Variants in SLC9A5 observed in about 807,000 individuals in gnomAD.
SLC9A5 encodes solute carrier family 9 member A5.
In SLC9A5, 52 loss-of-function variants were observed where a neutral mutation model predicts 91.7. The observed-to-expected ratio is 0.57, with a 90% CI of 0.45 to 0.71. SLC9A5 has a LOEUF of 0.71. SLC9A5 is among the 30% of genes least tolerant of loss of function. SLC9A5 has a pLI of 0.00. For synonymous variants in SLC9A5, 419 were observed against 474.5 expected (o/e 0.88, Z 1.52); for missense variants, 871 against 1,158.9 (o/e 0.75, Z 3.61).
chr16:67,256,904 G>A lies in SLC9A5; in HGVS notation c.1133-7G>A, dbSNP rs369789097. The stretch of plus-strand genomic sequence containing the variant: ...CTTTGCTCCCACTGGCCTCCCTCCC[G>A]CTGTAGGCGTAGTCCTGCAGACCTG... On this transcript the variant is annotated splice_region_variant and splice_polypyrimidine_tract_variant and intron_variant, in intron 6 of 15. Coordinates refer to ENST00000299798, the MANE Select transcript of SLC9A5 (RefSeq NM_004594.3). This position sits in a 1 kb window ranked among gnomAD's most constrained non-coding sequence, Gnocchi z 4.1. The A allele has an allele frequency of 3.2e-4, 511 of 1,612,908 alleles. 1 individual carries two copies. Among genetic ancestry groups the A allele is most frequent in the Non-Finnish European group, 3.9e-4 (465 of 1,179,782 alleles).
intron 15 of SLC9A5, among the ~76,000 whole-genome samples, chr16:67,268,708 A>ATT (rs2035823135): frequency 4.3e-5 from 4 of 92,738 alleles, no homozygotes; most frequent in Non-Finnish European, 6.3e-5. Flanking sequence ...ATATATATAT[A>ATT]TATTTTTACA....
intron 1 of SLC9A5, among the ~76,000 whole-genome samples, chr16:67,249,830 GT>G (rs765634653): frequency 6.6e-6 from 1 of 152,170 alleles, no homozygotes; most frequent in Non-Finnish European, 1.5e-5. Flanking sequence ...GGGCCTTCCT[GT>G]GTGCTGTCTA....
In SLC9A5 at chr16:67,255,760, G is replaced by A. The variant is rs2035292634; in HGVS notation, c.741G>A (p.Leu247=). 1.3e-6 allele frequency: 2 copies of A among 1,573,388 alleles called. No individual in the cohort carries two copies. The highest frequency in any genetic ancestry group is 1.8e-5 in the Admixed American group (1 of 54,604). The change falls in exon 5 of 16, where the codon CTG becomes CTA. Residue 247 remains leucine, a synonymous_variant. Transcript: ENST00000299798. The surrounding 1 kb of genome is among the most constrained non-coding windows in gnomAD (Gnocchi z 4.9). ...ATDYLKGVAS[L]FVVSLGGAAV... ...AACCCACTCCTCCCCCAGCCTCCCT[G>A]TTTGTGGTCAGTCTGGGCGGGGCAG...
intron 10 of SLC9A5, among the ~76,000 whole-genome samples, chr16:67,259,173 C>T (rs1251418889): frequency 1.3e-5 from 2 of 151,382 alleles, no homozygotes; most frequent in Non-Finnish European, 2.9e-5. Context: ...GCAGGAGAAT[C>T]GCTTGAACCC....
rs199538038 is a variant in SLC9A5 at position 67,256,646 on chromosome 16, G to A, written c.1089G>A (p.Leu363=). 25 of 1,613,778 alleles carry A rather than the reference G, an allele frequency of 1.5e-5. No individual in the cohort carries two copies. The highest frequency in any genetic ancestry group is 1.9e-5 in the Non-Finnish European group (23 of 1,180,022). Reference sequence around the variant, plus strand: ...CTAAGTGGGCCTGGGATTCTGGGCTGGTGCTGGGCACCCTCATCTTCATCC... The same window carrying A: ...CTAAGTGGGCCTGGGATTCTGGGCTAGTGCTGGGCACCCTCATCTTCATCC... ...DSSKWAWDSG[L]VLGTLIFILF... is the part of the protein sequence containing the mutation. Residue 363 remains leucine, a synonymous_variant, in exon 6 of 16, where the codon CTG becomes CTA. Transcript: ENST00000299798. This position sits in a 1 kb window ranked among gnomAD's most constrained non-coding sequence, Gnocchi z 4.1.
rs759746267 is a variant in SLC9A5, at chr16:67,264,509, C to T, written c.2000C>T (p.Thr667Ile). 9.3e-6 allele frequency: 15 copies of T among 1,614,218 alleles called. No homozygotes were observed. Among genetic ancestry groups the T allele is most frequent in the Middle Eastern group, 3.3e-4 (2 of 6,062 alleles). Residue 667 changes from threonine to isoleucine, a missense_variant, in exon 13 of 16, where the codon ACT becomes ATT. Transcript: ENST00000299798. ...FTKSKPRPRK[T>I]GRRKKDGVAN... ...AAGAGCAAGCCACGACCCCGCAAGA[C>T]TGGCCGCAGGAAGGCATGTCTTCCC...
At chr16:67,259,787 C>T (rs1422067069) in intron 11 of SLC9A5, 33 bp from the exon 12 acceptor site, 4 of 1,610,714 alleles carry the variant, frequency 2.5e-6, no homozygotes, top group East Asian at 2.2e-5. Context: ...CTCCTGCCCC[C>T]TCTCCAGCAC....
chr16:67,266,027 T>G (rs990440441), intron 14 of SLC9A5, 61 bp from the exon 15 acceptor site: 11 of 1,599,930 alleles, frequency 6.9e-6, no homozygotes, highest in Non-Finnish European at 9.4e-6. Context: ...CTTGGGGCTG[T>G]GTAGTCCCAA....
intron 15 of SLC9A5, 139 bp downstream of exon 15, chr16:67,266,364 T>C (rs1044070986): frequency 1.2e-6 from 1 of 829,210 alleles, no homozygotes; most frequent in Admixed American, 2.9e-5. Flanking sequence ...AGCCTCTTCT[T>C]CATACCAGAT....
Position 67,270,636 on chromosome 16 carries a change from T to G in SLC9A5, c.2219-102T>G, listed in dbSNP as rs988412834. Reference sequence around the variant, plus strand: ...GACATTCATCCGATAATCGCAAAAATGGACGGCATATGGAAACTGTGGCAT... The same window carrying G: ...GACATTCATCCGATAATCGCAAAAAGGGACGGCATATGGAAACTGTGGCAT... On this transcript the variant is annotated intron_variant, in intron 15 of 15. Coordinates refer to ENST00000299798, the MANE Select transcript of SLC9A5 (RefSeq NM_004594.3). This position sits in a 1 kb window ranked among gnomAD's most constrained non-coding sequence, Gnocchi z 4.3. 2 of 853,796 alleles carry G rather than the reference T, an allele frequency of 2.3e-6. No individual in the cohort carries two copies. Among genetic ancestry groups the G allele is most frequent in the Non-Finnish European group, 3.6e-6 (2 of 560,666 alleles). The allele number at this position is 853,796 out of a possible 1,614,324, so 52.9% of individuals were successfully genotyped here.
At chr16:67,251,074 T>C (rs898065645) in intron 1 of SLC9A5, among the ~76,000 whole-genome samples, 1 of 152,246 alleles carries the variant, frequency 6.6e-6, no homozygotes, top group Admixed American at 6.5e-5. Context: ...CATTTTATCC[T>C]CACCCTTGAT....
At chr16:67,264,820 C>G (rs2035646063) in intron 13 of SLC9A5, among the ~76,000 whole-genome samples, 1 of 149,308 alleles carries the variant, frequency 6.7e-6, no homozygotes, top group Non-Finnish European at 1.5e-5. Context: ...AGGGGCAACT[C>G]CATGAGCTCC....
rs1274790719 is a variant in SLC9A5, at chr16:67,268,712, T to TA, written c.2219-2026_2219-2025insA. Among the ~76,000 whole-genome samples, 74 of 52,720 alleles carry TA rather than the reference T, an allele frequency of 1.4e-3. 1 individual carries two copies. Among genetic ancestry groups the TA allele is most frequent in the African/African-American group, 3.7e-3 (54 of 14,648 alleles). 34.6% of individuals were successfully genotyped at this position (52,720 alleles called of 152,430 possible). On this transcript the variant is annotated intron_variant, in intron 15 of 15. Transcript: ENST00000299798. ...TATATATATATATATATATATATAT[T>TA]TTTACAGTAGGCTTGTCCAATGTCC... is the stretch of plus-strand genomic sequence containing the variant.
chr16:67,268,658 TTA>T (rs60054219), intron 15 of SLC9A5, among the ~76,000 whole-genome samples: 702 of 41,952 alleles, frequency 0.017, 5 homozygotes, highest in Non-Finnish European at 0.021. Context: ...ATTTCCCTGA[TTA>T]TATATATATA....
chr16:67,249,543 C>T (rs1323951625), intron 1 of SLC9A5, among the ~76,000 whole-genome samples: 2 of 152,190 alleles, frequency 1.3e-5, no homozygotes, highest in Non-Finnish European at 2.9e-5. Context: ...CCTAGCCTCC[C>T]AGAAACCTCT....
chr16:67,259,778 T>A, intron 11 of SLC9A5, 42 bp from the exon 12 acceptor site: 1 of 1,607,664 alleles, frequency 6.2e-7, no homozygotes, highest in Non-Finnish European at 8.5e-7. Flanking sequence ...CTGGACTGCC[T>A]CCTGCCCCCT....
rs188080103 is a variant in SLC9A5 at position 67,253,427 on chromosome 16, T to C, written c.490+583T>C. On this transcript the variant is annotated intron_variant, in intron 2 of 15. Transcript: ENST00000299798. ...CTGACTCTTCATAGCAACCCTTTTG[T>C]GTAGTTTGTCACATTTACACATGAG... Among the ~76,000 whole-genome samples, 205 of 152,312 alleles carry C rather than the reference T, an allele frequency of 1.3e-3. 1 individual carries two copies. Among genetic ancestry groups the C allele is most frequent in the African/African-American group, 4.7e-3 (194 of 41,566 alleles).
Position 67,252,528 on chromosome 16 carries a change from T to C in SLC9A5, c.188-14T>C. Reference sequence around the variant, plus strand: ...CCATAAACTGATCCATCCTGCACTCTTTTTGCATTGCAGTGTTTCACCTGT... The same window carrying C: ...CCATAAACTGATCCATCCTGCACTCCTTTTGCATTGCAGTGTTTCACCTGT... On this transcript the variant is annotated splice_polypyrimidine_tract_variant and intron_variant, in intron 1 of 15. Transcript: ENST00000299798. The surrounding 1 kb of genome is among the most constrained non-coding windows in gnomAD (Gnocchi z 4.0). 1 of 1,604,646 alleles carries C rather than the reference T, an allele frequency of 6.2e-7. No homozygotes were observed. Among genetic ancestry groups the C allele is most frequent in the Non-Finnish European group, 8.5e-7 (1 of 1,174,978 alleles).
In SLC9A5 at chr16:67,255,501, T is replaced by C; in HGVS notation, c.733+30T>C. On this transcript the variant is annotated intron_variant, in intron 4 of 15. Transcript: ENST00000299798. The surrounding 1 kb of genome is among the most constrained non-coding windows in gnomAD (Gnocchi z 4.9). ...GTATTTCCCCGCTCCCAGCTGGCAT[T>C]GGAGGTCTGCCTCCCCTGGGTTGCT... 1 of 1,608,022 alleles carries C rather than the reference T, an allele frequency of 6.2e-7. No individual in the cohort carries two copies. Among genetic ancestry groups the C allele is most frequent in the Non-Finnish European group, 8.5e-7 (1 of 1,174,650 alleles).
Sources: allele counts gnomAD v4.1 joint callset (sites outside exome capture counted in the v4.1 genomes callset), GRCh38; gene constraint gnomAD v4.1.1; non-coding constraint Gnocchi (gnomAD v3.1); transcripts MANE v1.5; gene names NCBI Gene and HGNC (gene_info 2026-07-23, HGNC 2026-07-21).